Variants in KRIT1 observed in about 807,000 individuals in gnomAD.
KRIT1 encodes the protein krev interaction trapped protein 1.
KRIT1 carries 45 observed loss-of-function variants against 95.8 expected under a neutral mutation model. The ratio of observed to expected loss-of-function variants is 0.47; its 90% CI spans 0.37 to 0.60. KRIT1 has a LOEUF of 0.60. KRIT1 is among the 20% of genes least tolerant of loss of function. The probability of loss-of-function intolerance (pLI) is 0.00; values close to 1 mark genes in which losing one functional copy is unlikely to be tolerated. For missense variants in KRIT1, 788 were observed against 877.5 expected (o/e 0.90, Z 1.29); for synonymous variants, 282 against 278.8 (o/e 1.01, Z -0.11).
intron 10 of KRIT1, 32 bp downstream of exon 10, chr7:92,234,417 T>C: frequency 6.7e-7 from 1 of 1,502,012 alleles, no homozygotes; most frequent in Non-Finnish European, 9.3e-7. Context: ...ATGTATTCTT[T>C]CTAAAAAGAA....
At chr7:92,215,797 A>G (rs1366762572) in intron 14 of KRIT1, among the ~76,000 whole-genome samples, 5 of 151,798 alleles carry the variant, frequency 3.3e-5, no homozygotes, top group Non-Finnish European at 4.4e-5. Context: ...AGTTTATCCA[A>G]TAAGATTAAT....
At chr7:92,236,145 T>C in intron 7 of KRIT1, 2 of 345,612 alleles carry the variant, frequency 5.8e-6, no homozygotes, top group Non-Finnish European at 5.4e-6. Flanking sequence ...ATATTAAATG[T>C]ATAGTTTCAT....
chr7:92,214,776 A>G lies in KRIT1; in HGVS notation c.1565T>C (p.Ile522Thr), dbSNP rs758188972. The change falls in exon 15 of 19, where the codon ATT becomes ACT. Residue 522 changes from isoleucine to threonine, a missense_variant and splice_region_variant. Transcript: ENST00000394505. Reference protein sequence around the residue: ...VRLPLEVEKQIEDPLAILILF... With the variant: ...VRLPLEVEKQTEDPLAILILF... Reference sequence around the variant, plus strand: ...AATAAGAATAGCTAGTGGGTCTTCAATCTTAAAGGAAAAAGTATAATTTGG... The same window carrying G: ...AATAAGAATAGCTAGTGGGTCTTCAGTCTTAAAGGAAAAAGTATAATTTGG... The G allele has an allele frequency of 3.2e-6, 5 of 1,587,108 alleles. No individual in the cohort carries two copies. Among genetic ancestry groups the G allele is most frequent in the African/African-American group, 1.3e-5 (1 of 74,332 alleles).
Position 92,235,493 on chromosome 7 carries a change from T to C in KRIT1, c.639A>G (p.Leu213=). 2 of 1,613,478 alleles carry C rather than the reference T, an allele frequency of 1.2e-6. No homozygotes were observed. Among genetic ancestry groups the C allele is most frequent in the Non-Finnish European group, 1.7e-6 (2 of 1,179,398 alleles). The change falls in exon 8 of 19, where the codon CTA becomes CTG. Residue 213 remains leucine, a synonymous_variant. Coordinates refer to ENST00000394505, the MANE Select transcript of KRIT1 (RefSeq NM_194454.3). ...ENSLHMGYSA[L]EIKSKMLALE... is the part of the protein sequence containing the mutation. ...GGGCTAACATTTTACTCTTTATTTCTAGTGCACTATAGCCCATATGTAGTG... is the reference window on the plus strand; with the variant it reads ...GGGCTAACATTTTACTCTTTATTTCCAGTGCACTATAGCCCATATGTAGTG...
chr7:92,207,880 T>C (rs565160212), intron 17 of KRIT1, among the ~76,000 whole-genome samples: 2 of 151,842 alleles, frequency 1.3e-5, no homozygotes, highest in Admixed American at 6.6e-5. Context: ...AACAAACAAA[T>C]AAATAAATAA....
chr7:92,214,022 A>C (rs775082322), intron 15 of KRIT1, 43 bp from the exon 16 acceptor site: 11 of 1,120,356 alleles, frequency 9.8e-6, no homozygotes, highest in Non-Finnish European at 1.5e-5. Flanking sequence ...AATCATCTTT[A>C]GTAGCTAAAG....
rs200684252 is a variant in KRIT1, at chr7:92,235,622, T to C, written c.510A>G (p.Gln170=). The stretch of plus-strand genomic sequence containing the variant: ...GGAATAAAGCTGGAATAAAGTGAGA[T>C]TGTGCATGACGTTCATCTAACCACC... ...LDKWLDERHA[Q]SHFIPALFRP... is the part of the protein sequence containing the mutation. Residue 170 remains glutamine (Q), a synonymous_variant, in exon 8 of 19, where the codon CAA becomes CAG. Coordinates refer to ENST00000394505, the MANE Select transcript of KRIT1 (RefSeq NM_194454.3). 1.1e-4 allele frequency: 170 copies of C among 1,613,870 alleles called. 1 individual carries two copies. Among genetic ancestry groups the C allele is most frequent in the Non-Finnish European group, 9.7e-5 (114 of 1,179,904 alleles).
rs561085077 is a variant in KRIT1, at chr7:92,225,670, T to G, written c.1254+50A>C. The G allele has an allele frequency of 3.2e-5, 33 of 1,022,226 alleles. No individual in the cohort carries two copies. The South Asian group carries it at 3.9e-4, about 12-fold the overall frequency. The allele number at this position is 1,022,226 out of a possible 1,614,324, so 63.3% of individuals were successfully genotyped here. On this transcript the variant is annotated intron_variant, in intron 12 of 18. Transcript: ENST00000394505. ...TGCCACAGATCCTCAAATTTAAATC[T>G]TATTAATTTAAATACTATGCCTGGC...
rs752465280 is a variant in KRIT1 at position 92,240,952 on chromosome 7, G to A, written c.262+41C>T. 1.8e-5 allele frequency: 25 copies of A among 1,408,714 alleles called. No individual in the cohort carries two copies. The South Asian group carries it at 2.4e-4, about 14-fold the overall frequency. 87.3% of individuals were successfully genotyped at this position (1,408,714 alleles called of 1,614,324 possible). ...TTTTTAAAAGAATCTTTCTCCACAA[G>A]TATTTTAAACAATGTGTTTTTTAAA... On this transcript the variant is annotated intron_variant, in intron 5 of 18. Transcript: ENST00000394505.
chr7:92,219,996 G>T (rs1440894712), intron 14 of KRIT1, among the ~76,000 whole-genome samples: 1 of 152,194 alleles, frequency 6.6e-6, no homozygotes, highest in Non-Finnish European at 1.5e-5. Flanking sequence ...AATTAATTTA[G>T]TAGCTCTAGC....
intron 10 of KRIT1, among the ~76,000 whole-genome samples, chr7:92,233,614 C>T (rs1226288653): frequency 1.3e-5 from 2 of 151,688 alleles, no homozygotes; most frequent in African/African-American, 4.9e-5. Context: ...ACCATGTTAG[C>T]CAGGATGGTC....
At chr7:92,220,798 A>G (rs1448701762) in intron 14 of KRIT1, among the ~76,000 whole-genome samples, 1 of 149,476 alleles carries the variant, frequency 6.7e-6, no homozygotes, top group Non-Finnish European at 1.5e-5. Flanking sequence ...AGATTCAAGC[A>G]ATTCTCTGCC....
At chr7:92,226,497 T>A in intron 11 of KRIT1, 29 bp downstream of exon 11, 1 of 1,559,490 alleles carries the variant, frequency 6.4e-7, no homozygotes, top group Non-Finnish European at 8.8e-7. Context: ...GCTTGAATAT[T>A]ATTTTTAAAA....
At chr7:92,237,203 G>T (rs1445517583) in intron 6 of KRIT1, among the ~76,000 whole-genome samples, 1 of 152,014 alleles carries the variant, frequency 6.6e-6, no homozygotes, top group Non-Finnish European at 1.5e-5. Context: ...GGTGCCAAAG[G>T]AATAAAACAT....
At chr7:92,244,533 T>G (rs919460430) in intron 2 of KRIT1, among the ~76,000 whole-genome samples, 3 of 152,240 alleles carry the variant, frequency 2.0e-5, no homozygotes, top group African/African-American at 7.2e-5. Flanking sequence ...CAAGAACTAT[T>G]CGTACTTGAC....
chr7:92,236,514 T>A lies in KRIT1; in HGVS notation c.384A>T (p.Gly128=). 6.4e-7 allele frequency: 1 copy of A among 1,561,790 alleles called. No homozygotes were observed. Among genetic ancestry groups the A allele is most frequent in the South Asian group, 1.1e-5 (1 of 90,000 alleles). The part of the protein sequence containing the change: ...KDNTKYTYTP[G]CPIFYCLQDI... ...CTTGTAAGCAGTAAAAAATTGGGCA[T>A]CCTGGGGTATATGTGTATTTAGTAT... Residue 128 remains glycine, a synonymous_variant, in exon 7 of 19, where the codon GGA becomes GGT. Coordinates refer to ENST00000394505, the MANE Select transcript of KRIT1 (RefSeq NM_194454.3).
intron 17 of KRIT1, among the ~76,000 whole-genome samples, chr7:92,211,649 AGAGAT>A (rs1232069640): frequency 6.6e-6 from 1 of 152,336 alleles, no homozygotes; most frequent in African/African-American, 2.4e-5. Flanking sequence ...AAAATAGCTA[AGAGAT>A]AAGTTGAAAT....
chr7:92,208,601 G>C (rs1256479357), intron 17 of KRIT1, among the ~76,000 whole-genome samples: 1 of 151,850 alleles, frequency 6.6e-6, no homozygotes. Context: ...TAACAAATTG[G>C]AAAACCTAGA....
intron 3 of KRIT1, among the ~76,000 whole-genome samples, chr7:92,242,966 G>A (rs1034618521): frequency 1.3e-5 from 2 of 152,104 alleles, no homozygotes; most frequent in South Asian, 2.1e-4. Flanking sequence ...TAACAGGCGT[G>A]TGCCACCATG....
Sources: gnomAD v4.1 joint callset for allele counts (sites outside exome capture counted in the v4.1 genomes callset) on GRCh38, gnomAD v4.1.1 for gene constraint, MANE v1.5 for transcripts, NCBI Gene and HGNC (gene_info 2026-07-23, HGNC 2026-07-21) for gene names.